CCZ1: variants seen among roughly 807,000 people sequenced by gnomAD.
CCZ1 encodes vacuolar fusion protein CCZ1 homolog.
Under a neutral mutation model 57.8 loss-of-function variants are expected in CCZ1, and 19 were observed. The ratio of observed to expected loss-of-function variants is 0.33; its 90% CI spans 0.23 to 0.48. CCZ1 has a LOEUF of 0.48. Among genes scored for constraint, CCZ1 ranks in the 20% least tolerant of loss-of-function variants. The probability of loss-of-function intolerance (pLI) is 0.99; values close to 1 mark genes in which losing one functional copy is unlikely to be tolerated. For synonymous variants in CCZ1, 81 were observed against 167.0 expected (o/e 0.49, Z 3.97); for missense variants, 200 against 492.0 (o/e 0.41, Z 5.61).
At chr7:5,910,581 C>T (rs1434434555) in intron 8 of CCZ1, among the ~76,000 whole-genome samples, 1 of 144,570 alleles carries the variant, frequency 6.9e-6, no homozygotes, top group Non-Finnish European at 1.5e-5. Context: ...CCACCTTGGC[C>T]TCCCAAAGTG....
intron 6 of CCZ1, 86 bp from the exon 7 acceptor site, chr7:5,905,007 TC>T (rs1365131994): frequency 8.6e-7 from 1 of 1,167,944 alleles, no homozygotes; most frequent in African/African-American, 1.6e-5. Context: ...TAAATGTGAG[TC>T]TGACATAAGA....
Position 5,912,926 on chromosome 7 carries a change from A to G in CCZ1, c.926A>G (p.Tyr309Cys). The G allele has an allele frequency of 6.3e-7, 1 of 1,598,124 alleles. No homozygotes were observed. The highest frequency in any genetic ancestry group is 8.5e-7 in the Non-Finnish European group (1 of 1,172,418). The change falls in exon 10 of 15, where the codon TAT becomes TGT. Residue 309 changes from tyrosine (Y) to cysteine (C), a missense_variant. Tyr to Cys is a radical substitution (Grantham distance 194). This residue lies in a region of CCZ1 where 13 missense variants were observed against 20.1 expected (regional missense o/e 0.65). Coordinates refer to ENST00000325974, the MANE Select transcript of CCZ1 (RefSeq NM_015622.6). ...PKIFVNTDDT[Y>C]EELHLIVYKA... ...ATTTTTGTAAATACAGATGACACTT[A>G]TGAAGAGCTCCATTTAATCGTTTAT...
chr7:5,908,743 C>T (rs1781894891), intron 7 of CCZ1, among the ~76,000 whole-genome samples: 1 of 143,440 alleles, frequency 7.0e-6, no homozygotes, highest in Admixed American at 7.0e-5. Context: ...TTGTCTGTCT[C>T]CTTTTAAAAA....
At chr7:5,900,027 G>T (rs992205194) in intron 1 of CCZ1, among the ~76,000 whole-genome samples, 2 of 149,070 alleles carry the variant, frequency 1.3e-5, no homozygotes, top group Non-Finnish European at 3.0e-5. Context: ...GATCATTCCT[G>T]TTCTTCTTCT....
At chr7:5,916,658 G>A (rs1430827988) in intron 10 of CCZ1, among the ~76,000 whole-genome samples, 1 of 148,170 alleles carries the variant, frequency 6.7e-6, no homozygotes, top group Non-Finnish European at 1.5e-5. Flanking sequence ...TTGACATCCA[G>A]GGAAGCTCAC....
At chr7:5,908,459 A>G (rs2528328) in intron 7 of CCZ1, among the ~76,000 whole-genome samples, 12 of 148,392 alleles carry the variant, frequency 8.1e-5, no homozygotes, top group South Asian at 2.2e-4. Context: ...GCTCACTTCA[A>G]CCTGCGCCTC....
rs560713464 is a variant in CCZ1, at chr7:5,908,952, C to T, written c.699-1083C>T. Among the ~76,000 whole-genome samples the T allele has an allele frequency of 3.4e-5, 5 of 147,398 alleles. No homozygotes were observed. In the South Asian group the frequency reaches 9.0e-4, roughly 27 times the overall value. ...TCACGTTCCCTGTCTACAGCATACCCATATTTTCCCAGGGGACTAGGGGAG... is the reference window on the plus strand; with the variant it reads ...TCACGTTCCCTGTCTACAGCATACCTATATTTTCCCAGGGGACTAGGGGAG... On this transcript the variant is annotated intron_variant, in intron 7 of 14. Coordinates refer to ENST00000325974, the MANE Select transcript of CCZ1 (RefSeq NM_015622.6).
At chr7:5,910,327 T>A in intron 8 of CCZ1, 1 of 439,122 alleles carries the variant, frequency 2.3e-6, no homozygotes. Context: ...ACAGAAAGCA[T>A]CGTTTTGTGT....
chr7:5,903,413 C>G (rs1286522869), intron 6 of CCZ1, among the ~76,000 whole-genome samples: 1 of 145,860 alleles, frequency 6.9e-6, no homozygotes, highest in South Asian at 2.3e-4. Flanking sequence ...GCCAACTCGC[C>G]CAGCCTAGTT....
chr7:5,911,225 C>T (rs147075933), intron 8 of CCZ1, among the ~76,000 whole-genome samples: 2,955 of 149,076 alleles, frequency 0.02, 275 homozygotes, highest in African/African-American at 0.068. Flanking sequence ...TAAATGATAT[C>T]ACTGTGTTCT....
chr7:5,926,265 G>GT lies in CCZ1; in HGVS notation c.*579dup, dbSNP rs1779390352. The stretch of plus-strand genomic sequence containing the variant: ...AACCTGAGATGCAGTGGGCCAAGGG[G>GT]TATGTTAAAACACTGTGACGAGTTC... On this transcript the variant is annotated 3_prime_UTR_variant, in exon 15 of 15. Coordinates refer to ENST00000325974, the MANE Select transcript of CCZ1 (RefSeq NM_015622.6). The GT allele has an allele frequency of 1.5e-6, 1 of 668,984 alleles. No homozygotes were observed. The highest frequency in any genetic ancestry group is 2.5e-6 in the Non-Finnish European group (1 of 395,978). The allele number at this position is 668,984 out of a possible 1,614,324, so 41.4% of individuals were successfully genotyped here. A position where few individuals can be genotyped will look rare whatever the true frequency, so the allele number is the denominator to read the frequency against.
At chr7:5,902,299 A>G (rs1273263736) in intron 5 of CCZ1, 1 of 45,900 alleles carries the variant, frequency 2.2e-5, no homozygotes, top group African/African-American at 8.0e-5. Context: ...TTCCATCTCA[A>G]AAAAAAAAAA....
chr7:5,904,952 C>G, intron 6 of CCZ1, 142 bp from the exon 7 acceptor site: 1 of 1,191,488 alleles, frequency 8.4e-7, no homozygotes, highest in Non-Finnish European at 1.2e-6. Context: ...CATGTCTTCA[C>G]CACGGCCTCA....
chr7:5,901,851 G>C (rs1214537962), intron 5 of CCZ1, 147 bp downstream of exon 5: 5 of 637,550 alleles, frequency 7.8e-6, no homozygotes, highest in East Asian at 6.9e-5. Flanking sequence ...CTTTGAAACA[G>C]GTAGTGAGGT....
At chr7:5,908,371 A>G (rs1781884355) in intron 7 of CCZ1, among the ~76,000 whole-genome samples, 1 of 117,274 alleles carries the variant, frequency 8.5e-6, no homozygotes, top group African/African-American at 3.2e-5. Flanking sequence ...TACTTAGTAT[A>G]TTGCTTTGAT....
intron 6 of CCZ1, 127 bp from the exon 7 acceptor site, chr7:5,904,967 T>C: frequency 7.8e-7 from 1 of 1,274,968 alleles, no homozygotes; most frequent in Non-Finnish European, 1.1e-6. Flanking sequence ...GCCTCATTGT[T>C]GCGCTGTTTG....
chr7:5,920,702 C>T (rs1213747459), intron 12 of CCZ1, among the ~76,000 whole-genome samples: 6 of 138,806 alleles, frequency 4.3e-5, no homozygotes. Flanking sequence ...GAACTCCTGA[C>T]CTCAAGTGAT....
intron 7 of CCZ1, among the ~76,000 whole-genome samples, 181 bp downstream of exon 7, chr7:5,905,450 G>T (rs1781788701): frequency 6.9e-6 from 1 of 144,306 alleles, no homozygotes; most frequent in African/African-American, 2.6e-5. Flanking sequence ...GGGTGATTTG[G>T]GTTCAAATTT....
At chr7:5,922,925 T>TA (rs780701184) in intron 12 of CCZ1, among the ~76,000 whole-genome samples, 27 of 150,522 alleles carry the variant, frequency 1.8e-4, no homozygotes, top group Middle Eastern at 3.4e-3. Flanking sequence ...TGTATGTAGA[T>TA]ACGTGTTAAA....
Sources: allele counts gnomAD v4.1 joint callset (sites outside exome capture counted in the v4.1 genomes callset), GRCh38; gene constraint gnomAD v4.1.1; regional missense constraint gnomAD v4.1.1; transcripts MANE v1.5; gene names NCBI Gene and HGNC (gene_info 2026-07-23, HGNC 2026-07-21).